GREM1: variants seen among roughly 807,000 people sequenced by gnomAD.
The protein encoded by GREM1 is gremlin 1, DAN family BMP antagonist, also known as gremlin-1.
Under a neutral mutation model 13.1 loss-of-function variants are expected in GREM1, and 6 were observed. The ratio of observed to expected loss-of-function variants is 0.46; its 90% CI spans 0.25 to 0.91. GREM1 has a LOEUF of 0.91. GREM1 is among the 40% of genes least tolerant of loss of function. The pLI is 0.18. For missense variants in GREM1, 185 were observed against 233.9 expected, an observed-to-expected ratio of 0.79 and a Z score of 1.36; for synonymous variants, 98 against 93.7, an observed-to-expected ratio of 1.05 and a Z score of -0.27.
chr15:32,731,790 C>T lies in GREM1; in HGVS notation c.*545C>T. 1 of 235,432 alleles carries T rather than the reference C, an allele frequency of 4.2e-6. No homozygotes were observed. Among genetic ancestry groups the T allele is most frequent in the Non-Finnish European group, 9.1e-6 (1 of 110,402 alleles). 14.6% of individuals were successfully genotyped at this position (235,432 alleles called of 1,614,324 possible). On this transcript the variant is annotated 3_prime_UTR_variant, in exon 2 of 2. Coordinates refer to ENST00000651154, the MANE Select transcript of GREM1 (RefSeq NM_013372.7). ...TCTAATCTCTTGTTTGCCAAGGTTC[C>T]TAAATTAATTCACTTAACCATGATG...
chr15:32,718,555 G>A (rs1045222837), intron 1 of GREM1: 4 of 439,466 alleles, frequency 9.1e-6, no homozygotes, highest in African/African-American at 4.1e-5. Context: ...CTGCTAGTCG[G>A]CCGCTGACTG....
rs552599491 is a variant in GREM1 at position 32,734,435 on chromosome 15, A to G, written c.*3190A>G. On this transcript the variant is annotated 3_prime_UTR_variant, in exon 2 of 2. Coordinates refer to ENST00000651154, the MANE Select transcript of GREM1 (RefSeq NM_013372.7). The stretch of plus-strand genomic sequence containing the variant: ...CTATTGACATTCCTCAAGATATTTA[A>G]TATCAACTGCATTATGTATTATGTC... The G allele has an allele frequency of 8.1e-6, 2 of 246,596 alleles. No homozygotes were observed. The highest frequency in any genetic ancestry group is 4.4e-5 in the African/African-American group (2 of 45,400). 15.3% of individuals were successfully genotyped at this position (246,596 alleles called of 1,614,324 possible).
rs2055719535 is a variant in GREM1 at position 32,738,082 on chromosome 15, GC to G, written c.*6838del. On this transcript the variant is annotated 3_prime_UTR_variant, in exon 2 of 2. Transcript: ENST00000651154. ...TGGAGGTTCTACCTAGGGTAATTAG[GC>G]AAAAAAAAAAAAAAAAAAAAAAAAA... 2 of 15,792 alleles carry G rather than the reference GC, an allele frequency of 1.3e-4. No homozygotes were observed. Among genetic ancestry groups the G allele is most frequent in the South Asian group, 4.8e-3 (1 of 208 alleles). The allele number at this position is 15,792 out of a possible 1,614,324, so 1.0% of individuals were successfully genotyped here. A position where few individuals can be genotyped will look rare whatever the true frequency, so the allele number is the denominator to read the frequency against.
intron 1 of GREM1, among the ~76,000 whole-genome samples, chr15:32,721,779 C>A (rs1330314444): frequency 6.6e-6 from 1 of 152,162 alleles, no homozygotes; most frequent in Admixed American, 6.5e-5. Context: ...TACGCAGTGA[C>A]TAACACATCT....
chr15:32,730,293 G>C (rs2055593051), intron 1 of GREM1, among the ~76,000 whole-genome samples: 1 of 152,238 alleles, frequency 6.6e-6, no homozygotes, highest in African/African-American at 2.4e-5. Context: ...CCGGAGGAAT[G>C]AAGTCCTCTG....
chr15:32,737,939 A>AG lies in GREM1; in HGVS notation c.*6694_*6695insG. 1 of 145,916 alleles carries AG rather than the reference A, an allele frequency of 6.9e-6. No homozygotes were observed. Among genetic ancestry groups the AG allele is most frequent in the Middle Eastern group, 3.5e-3 (1 of 288 alleles). The allele number at this position is 145,916 out of a possible 1,614,324, so 9.0% of individuals were successfully genotyped here. The stretch of plus-strand genomic sequence containing the variant: ...ACAAAACTCTGTCTCAAAAAAAAAA[A>AG]AAAAAAGAAAAGAAAAACCCACAGC... On this transcript the variant is annotated 3_prime_UTR_variant, in exon 2 of 2. Coordinates refer to ENST00000651154, the MANE Select transcript of GREM1 (RefSeq NM_013372.7).
At chr15:32,726,529 C>A (rs1424904618) in intron 1 of GREM1, among the ~76,000 whole-genome samples, 3 of 152,096 alleles carry the variant, frequency 2.0e-5, no homozygotes, top group Non-Finnish European at 4.4e-5. Flanking sequence ...ACTAAATGCC[C>A]ACAGGAGAAA....
chr15:32,722,665 G>A (rs1384734947), intron 1 of GREM1, among the ~76,000 whole-genome samples: 1 of 152,196 alleles, frequency 6.6e-6, no homozygotes, highest in Non-Finnish European at 1.5e-5. Context: ...TACCTTGCTT[G>A]TAGATGTTTA....
rs1449712305 is a variant in GREM1 at position 32,735,864 on chromosome 15, A to C, written c.*4619A>C. On this transcript the variant is annotated 3_prime_UTR_variant, in exon 2 of 2. Transcript: ENST00000651154. Reference sequence around the variant, plus strand: ...AAAGAGTCTCTCCTCCATAAAACTAATGAGAATGTGACAAAAATAGATTCA... The same window carrying C: ...AAAGAGTCTCTCCTCCATAAAACTACTGAGAATGTGACAAAAATAGATTCA... The C allele has an allele frequency of 6.6e-6, 1 of 152,052 alleles. No homozygotes were observed. Among genetic ancestry groups the C allele is most frequent in the African/African-American group, 2.4e-5 (1 of 41,300 alleles). 9.4% of individuals were successfully genotyped at this position (152,052 alleles called of 1,614,324 possible). A position where few individuals can be genotyped will look rare whatever the true frequency, so the allele number is the denominator to read the frequency against.
chr15:32,730,612 T>C (rs1370411317), intron 1 of GREM1, 78 bp from the exon 2 acceptor site: 3 of 956,044 alleles, frequency 3.1e-6, no homozygotes, highest in South Asian at 1.8e-5. Context: ...GTTTAAATGC[T>C]AGGTGCTATT....
At chr15:32,730,242 G>A (rs1302319466) in intron 1 of GREM1, among the ~76,000 whole-genome samples, 3 of 152,210 alleles carry the variant, frequency 2.0e-5, no homozygotes, top group African/African-American at 7.2e-5. Context: ...TCACAGCTCA[G>A]GAAGCCTCAG....
chr15:32,731,504 G>A lies in GREM1; in HGVS notation c.*259G>A, dbSNP rs143523028. 7.7e-3 allele frequency: 3,825 copies of A among 498,772 alleles called. 47 individuals carry two copies. Among genetic ancestry groups the A allele is most frequent in the Non-Finnish European group, 7.4e-3 (2,040 of 274,352 alleles). 30.9% of individuals were successfully genotyped at this position (498,772 alleles called of 1,614,324 possible). On this transcript the variant is annotated 3_prime_UTR_variant, in exon 2 of 2. Transcript: ENST00000651154. ...TAAACATATCTGCTTTAATGGGGAT[G>A]TACCAGAAACCCACCTCACCCCGGC... is the stretch of plus-strand genomic sequence containing the variant.
At chr15:32,726,484 A>AC (rs2055506734) in intron 1 of GREM1, among the ~76,000 whole-genome samples, 1 of 152,224 alleles carries the variant, frequency 6.6e-6, no homozygotes, top group Non-Finnish European at 1.5e-5. Flanking sequence ...TCTCTGGGAC[A>AC]CAGCTAAAGC....
chr15:32,729,491 A>G (rs1213799925), intron 1 of GREM1, among the ~76,000 whole-genome samples: 2 of 152,162 alleles, frequency 1.3e-5, no homozygotes. Flanking sequence ...CCTCCCCTGA[A>G]CATTCAACTT....
chr15:32,718,822 C>G (rs1324554831), intron 1 of GREM1: 2 of 303,980 alleles, frequency 6.6e-6, no homozygotes, highest in East Asian at 8.5e-5. Context: ...CCAGCGAACC[C>G]GCAGTGCTCA....
In GREM1 at chr15:32,735,781, AAAAAAAG is replaced by A. The variant is rs2055689357; in HGVS notation, c.*4539_*4545del. ...GAGCATTTCAAGCTTAAGAAAAAAA[AAAAAAAG>A]AAGAATGTGGGAGGATGTCAGCAAC... On this transcript the variant is annotated 3_prime_UTR_variant, in exon 2 of 2. Coordinates refer to ENST00000651154, the MANE Select transcript of GREM1 (RefSeq NM_013372.7). 6.6e-6 allele frequency: 1 copy of A among 151,640 alleles called. No individual in the cohort carries two copies. The highest frequency in any genetic ancestry group is 2.1e-4 in the South Asian group (1 of 4,788). 9.4% of individuals were successfully genotyped at this position (151,640 alleles called of 1,614,324 possible). A position where few individuals can be genotyped will look rare whatever the true frequency, so the allele number is the denominator to read the frequency against.
intron 1 of GREM1, among the ~76,000 whole-genome samples, chr15:32,719,232 A>G (rs1269125923): frequency 6.6e-6 from 1 of 152,228 alleles, no homozygotes; most frequent in African/African-American, 2.4e-5. Flanking sequence ...TTTGTAGACT[A>G]CAGACTCCGG....
rs1245362791 is a variant in GREM1, at chr15:32,744,705, A to C, written c.*13460A>C. The C allele has an allele frequency of 6.6e-6, 1 of 151,944 alleles. No individual in the cohort carries two copies. The highest frequency in any genetic ancestry group is 1.9e-4 in the East Asian group (1 of 5,184). 9.4% of individuals were successfully genotyped at this position (151,944 alleles called of 1,614,324 possible). A position where few individuals can be genotyped will look rare whatever the true frequency, so the allele number is the denominator to read the frequency against. ...GTACATTGTACAGATGCAGGATAAC[A>C]ATGCAGTGTTATCCTGCATCTGTAC... On this transcript the variant is annotated 3_prime_UTR_variant, in exon 2 of 2. Coordinates refer to ENST00000651154, the MANE Select transcript of GREM1 (RefSeq NM_013372.7).
At chr15:32,730,624 T>C (rs1350693201) in intron 1 of GREM1, 66 bp from the exon 2 acceptor site, 2 of 1,066,056 alleles carry the variant, frequency 1.9e-6, no homozygotes, top group African/African-American at 1.6e-5. Context: ...GGTGCTATTA[T>C]TATTAATTTT....
Sources: allele counts gnomAD v4.1 joint callset (sites outside exome capture counted in the v4.1 genomes callset), GRCh38; gene constraint gnomAD v4.1.1; transcripts MANE v1.5; gene names NCBI Gene and HGNC (gene_info 2026-07-23, HGNC 2026-07-21).